The following SULT1E1 variants were observed in gnomAD, a reference collection of about 807,000 sequenced individuals.
SULT1E1 encodes sulfotransferase family 1E member 1.
SULT1E1 carries 36 observed loss-of-function variants against 33.6 expected under a neutral mutation model. The observed-to-expected ratio is 1.07, with a 90% CI of 0.82 to 1.41. The LOEUF is 1.41. Ranked by LOEUF, SULT1E1 falls within the 40% of genes most tolerant of loss-of-function variation. The pLI is 0.00. For missense variants in SULT1E1, 371 were observed against 345.7 expected (o/e 1.07, Z -0.58); for synonymous variants, 121 against 111.7 (o/e 1.08, Z -0.53).
the SULT1E1 span, among the ~76,000 whole-genome samples, chr4:69,828,660 A>T: frequency 6.6e-6 from 1 of 152,214 alleles, no homozygotes; most frequent in Non-Finnish European, 1.5e-5. Context: ...TTCTGGACAC[A>T]CTAGGAACTC....
chr4:69,859,408 T>C (rs1370177428), intron 1 of SULT1E1, among the ~76,000 whole-genome samples: 1 of 152,090 alleles, frequency 6.6e-6, no homozygotes, highest in Non-Finnish European at 1.5e-5. Flanking sequence ...GTCCCTACTT[T>C]CTTAGATTTA....
the SULT1E1 span, among the ~76,000 whole-genome samples, chr4:69,830,137 T>C: frequency 2.0e-5 from 3 of 152,240 alleles, no homozygotes; most frequent in East Asian, 1.9e-4. Flanking sequence ...CAAATCCCTG[T>C]CCAGTCTGGC....
chr4:69,834,557 T>C, the SULT1E1 span, among the ~76,000 whole-genome samples: 10 of 152,162 alleles, frequency 6.6e-5, no homozygotes, highest in African/African-American at 2.4e-4. Flanking sequence ...AACTGCTTTA[T>C]CCATTTCTTC....
chr4:69,851,641 T>A (rs1560556641), intron 4 of SULT1E1, among the ~76,000 whole-genome samples: 1 of 152,172 alleles, frequency 6.6e-6, no homozygotes. Context: ...CCCAAAGGAT[T>A]ATAAATCATG....
chr4:69,842,371 C>T (rs1720900334), intron 7 of SULT1E1, among the ~76,000 whole-genome samples: 1 of 152,112 alleles, frequency 6.6e-6, no homozygotes, highest in African/African-American at 2.4e-5. Context: ...GAAGTTTCAT[C>T]TCAGCTGTTG....
At chr4:69,824,122 AC>A in the SULT1E1 span, among the ~76,000 whole-genome samples, 4 of 152,114 alleles carry the variant, frequency 2.6e-5, no homozygotes, top group Non-Finnish European at 5.9e-5. Flanking sequence ...AACCAATGGT[AC>A]CCCCTTTGGT....
the SULT1E1 span, among the ~76,000 whole-genome samples, chr4:69,821,756 A>G: frequency 7.9e-5 from 12 of 152,228 alleles, no homozygotes; most frequent in African/African-American, 2.9e-4. Context: ...CCATGGTTAT[A>G]TTAAAGCTAT....
the SULT1E1 span, among the ~76,000 whole-genome samples, chr4:69,829,422 A>G: frequency 3.3e-5 from 5 of 152,290 alleles, no homozygotes; most frequent in African/African-American, 9.6e-5. Flanking sequence ...TGCCTGATTT[A>G]CTGTCAGTCC....
rs72851464 is a variant in SULT1E1, at chr4:69,844,895, C to A, written c.592-554G>T. Among the ~76,000 whole-genome samples, 972 of 152,170 alleles carry A rather than the reference C, an allele frequency of 6.4e-3. 16 individuals carry two copies. Among genetic ancestry groups the A allele is most frequent in the African/African-American group, 0.022 (913 of 41,560 alleles). On this transcript the variant is annotated intron_variant, in intron 6 of 7. Transcript: ENST00000226444. ...CATTATTCAGCTATATCTCTCAGTG[C>A]AACTATTTGCAATACTAACCGCAAT... is the stretch of plus-strand genomic sequence containing the variant.
chr4:69,826,390 T>A, the SULT1E1 span, among the ~76,000 whole-genome samples: 12 of 152,228 alleles, frequency 7.9e-5, no homozygotes, highest in East Asian at 7.7e-4. Flanking sequence ...AATGTGTTGG[T>A]AAGGACTGCT....
intron 4 of SULT1E1, among the ~76,000 whole-genome samples, chr4:69,851,049 G>A (rs1156296768): frequency 6.6e-6 from 1 of 152,014 alleles, no homozygotes; most frequent in Non-Finnish European, 1.5e-5. Flanking sequence ...GCACTTTAAA[G>A]ACCCCTATTC....
the SULT1E1 span, among the ~76,000 whole-genome samples, chr4:69,824,568 G>T: frequency 6.6e-6 from 1 of 152,136 alleles, no homozygotes; most frequent in African/African-American, 2.4e-5. Flanking sequence ...CCTAGTGAGA[G>T]GTGAAGCCAG....
chr4:69,842,616 C>T (rs138519597), intron 7 of SULT1E1, among the ~76,000 whole-genome samples: 190 of 151,408 alleles, frequency 1.3e-3, no homozygotes, highest in African/African-American at 4.6e-3. Context: ...AGAGTCAACA[C>T]CAGGTATCTA....
intron 4 of SULT1E1, 99 bp downstream of exon 4, chr4:69,854,118 T>C: frequency 1.4e-6 from 1 of 738,064 alleles, no homozygotes; most frequent in Non-Finnish European, 2.2e-6. Flanking sequence ...GTCTATAGAT[T>C]CAATGAAAGA....
chr4:69,841,746 T>A lies in SULT1E1; in HGVS notation c.*248A>T, dbSNP rs1720889680. 3.4e-6 allele frequency: 1 copy of A among 296,976 alleles called. No individual in the cohort carries two copies. The highest frequency in any genetic ancestry group is 6.1e-6 in the Non-Finnish European group (1 of 164,206). The allele number at this position is 296,976 out of a possible 1,614,324, so 18.4% of individuals were successfully genotyped here. A position where few individuals can be genotyped will look rare whatever the true frequency, so the allele number is the denominator to read the frequency against. On this transcript the variant is annotated 3_prime_UTR_variant, in exon 8 of 8. Coordinates refer to ENST00000226444, the MANE Select transcript of SULT1E1 (RefSeq NM_005420.3). ...GTCCTAGCTACTTGGGAGGCTGAGA[T>A]GGGAGGATCAATTGAGTCAAGGAGG...
At chr4:69,840,437 T>C (rs1169032779), downstream of SULT1E1, among the ~76,000 whole-genome samples, 2 of 152,130 alleles carry the variant, frequency 1.3e-5, no homozygotes, top group Middle Eastern at 3.2e-3. Flanking sequence ...CTAAACATAG[T>C]ACAGAAAAAG....
chr4:69,831,372 T>C, the SULT1E1 span, among the ~76,000 whole-genome samples: 1 of 152,198 alleles, frequency 6.6e-6, no homozygotes, highest in East Asian at 1.9e-4. Flanking sequence ...GCAACCATGC[T>C]GGTCAGTTTT....
At chr4:69,834,995 T>A in the SULT1E1 span, among the ~76,000 whole-genome samples, 1 of 152,212 alleles carries the variant, frequency 6.6e-6, no homozygotes, top group Non-Finnish European at 1.5e-5. Flanking sequence ...AAAAATTTTA[T>A]ATTCTTTATT....
the SULT1E1 span, among the ~76,000 whole-genome samples, chr4:69,823,613 A>C: frequency 6.6e-6 from 1 of 152,094 alleles, no homozygotes; most frequent in Non-Finnish European, 1.5e-5. Flanking sequence ...GAGCTGTAGA[A>C]TTTCTTCCTG....
Sources: gnomAD v4.1 joint callset for allele counts (sites outside exome capture counted in the v4.1 genomes callset) on GRCh38, gnomAD v4.1.1 for gene constraint, MANE v1.5 for transcripts, NCBI Gene and HGNC (gene_info 2026-07-23, HGNC 2026-07-21) for gene names.